Variants in SPIC observed in about 807,000 individuals in gnomAD.
SPIC encodes the protein transcription factor Spi-C.
A neutral mutation model predicts 16.7 loss-of-function variants in SPIC; 9 were observed. The observed-to-expected ratio is 0.54, with a 90% CI of 0.33 to 0.94. SPIC has a LOEUF of 0.94. SPIC is among the 40% of genes least tolerant of loss of function. The pLI is 0.03. For missense variants in SPIC, 241 were observed against 285.8 expected, an observed-to-expected ratio of 0.84 and a Z score of 1.13; for synonymous variants, 97 against 102.9, an observed-to-expected ratio of 0.94 and a Z score of 0.35.
In SPIC at chr12:101,486,653, A is replaced by G; in HGVS notation, c.629A>G (p.Glu210Gly). The change falls in exon 6 of 6, where the codon GAG becomes GGG. Residue 210 changes from glutamate to glycine, a missense_variant. By Grantham distance (98) the Glu-to-Gly change is moderately conservative. Transcript: ENST00000551346. ...RLSPSYFLGK[E>G]IFYSQCVQPD... is the part of the protein sequence containing the mutation. ...TCTCCATCCTATTTCCTGGGGAAAG[A>G]GATCTTCTATTCACAGTGTGTTCAA... 1 of 1,613,992 alleles carries G rather than the reference A, an allele frequency of 6.2e-7. No homozygotes were observed. Among genetic ancestry groups the G allele is most frequent in the Non-Finnish European group, 8.5e-7 (1 of 1,179,872 alleles).
chr12:101,475,635 GT>G (rs1173043988), intron 1 of SPIC, 133 bp downstream of exon 1: 1 of 152,064 alleles, frequency 6.6e-6, no homozygotes, highest in Non-Finnish European at 1.5e-5. Flanking sequence ...AATCAATAAT[GT>G]TTTCAAGCTT....
chr12:101,481,928 C>T (rs1168428594), intron 4 of SPIC, among the ~76,000 whole-genome samples: 3 of 132,260 alleles, frequency 2.3e-5, no homozygotes, highest in Admixed American at 1.5e-4. Flanking sequence ...GCTGGGATTA[C>T]AGGCATGAGC....
In SPIC at chr12:101,486,845, T is replaced by A; in HGVS notation, c.*74T>A. 1.6e-6 allele frequency: 2 copies of A among 1,246,130 alleles called. No homozygotes were observed. Among genetic ancestry groups the A allele is most frequent in the Non-Finnish European group, 2.2e-6 (2 of 924,376 alleles). The allele number at this position is 1,246,130 out of a possible 1,614,324, so 77.2% of individuals were successfully genotyped here. On this transcript the variant is annotated 3_prime_UTR_variant, in exon 6 of 6. Transcript: ENST00000551346. ...TTTTAATGATTTCTCCCTCCCTCTC[T>A]TTTTTTCCTCCTCTGAAGAAATTTA... is the stretch of plus-strand genomic sequence containing the variant.
chr12:101,482,034 G>A (rs1221297572), intron 4 of SPIC, among the ~76,000 whole-genome samples: 1 of 144,174 alleles, frequency 6.9e-6, no homozygotes, highest in Admixed American at 6.8e-5. Flanking sequence ...CCTGAGGTCG[G>A]GAGTTCAAGA....
rs1380534389 is a variant in SPIC, at chr12:101,486,739, A to G, written c.715A>G (p.Asn239Asp). Residue 239 changes from asparagine (N) to aspartate (D), a missense_variant, in exon 6 of 6, where the codon AAT becomes GAT. Coordinates refer to ENST00000551346, the MANE Select transcript of SPIC (RefSeq NM_152323.3). ...WNANYNYTYA[N>D]YHELNHHDC is the part of the protein sequence containing the mutation. ...TGCAAATTATAATTATACATATGCC[A>G]ATTACCATGAGCTAAATCACCATGA... The G allele has an allele frequency of 6.3e-7, 1 of 1,589,316 alleles. No individual in the cohort carries two copies. Among genetic ancestry groups the G allele is most frequent in the Admixed American group, 1.7e-5 (1 of 57,456 alleles).
chr12:101,477,530 C>G, intron 2 of SPIC, 28 bp from the exon 3 acceptor site: 1 of 1,600,752 alleles, frequency 6.2e-7, no homozygotes, highest in Non-Finnish European at 8.6e-7. Context: ...AATTCGAAAA[C>G]TCCAGAATTC....
At chr12:101,477,297 G>C (rs781673967) in intron 2 of SPIC, among the ~76,000 whole-genome samples, 5 of 152,094 alleles carry the variant, frequency 3.3e-5, no homozygotes, top group Non-Finnish European at 5.9e-5. Context: ...GTGCCTCAGG[G>C]TACATTTGGT....
At chr12:101,478,071 G>A (rs1359986499) in intron 3 of SPIC, among the ~76,000 whole-genome samples, 1 of 135,336 alleles carries the variant, frequency 7.4e-6, no homozygotes, top group Non-Finnish European at 1.5e-5. Flanking sequence ...TCACTCTGTC[G>A]CCCAGGCTGG....
At chr12:101,478,376 A>C (rs962513755) in intron 3 of SPIC, among the ~76,000 whole-genome samples, 1 of 150,858 alleles carries the variant, frequency 6.6e-6, no homozygotes, top group Non-Finnish European at 1.5e-5. Flanking sequence ...ATTTTTTTGT[A>C]GAGACAGGGT....
chr12:101,479,703 C>T lies in SPIC; in HGVS notation c.210+9C>T. 3.1e-6 allele frequency: 5 copies of T among 1,588,264 alleles called. No individual in the cohort carries two copies. In the African/African-American group the frequency reaches 4.0e-5, roughly 13 times the overall value. On this transcript the variant is annotated intron_variant, in intron 4 of 5. Coordinates refer to ENST00000551346, the MANE Select transcript of SPIC (RefSeq NM_152323.3). Reference sequence around the variant, plus strand: ...ATTGGAGAACGGTAATTGTAAGTATCAGACCATCCCTTAATAACAGGCAAA... The same window carrying T: ...ATTGGAGAACGGTAATTGTAAGTATTAGACCATCCCTTAATAACAGGCAAA...
At chr12:101,477,313 C>T (rs901041291) in intron 2 of SPIC, among the ~76,000 whole-genome samples, 16 of 151,982 alleles carry the variant, frequency 1.1e-4, no homozygotes, top group Admixed American at 9.2e-4. Context: ...TTGGTGATGT[C>T]GGAAACATTT....
chr12:101,484,653 TAATTATAGGCCAGGCATGGTTAAAAAAA>T (rs907185159), intron 5 of SPIC, among the ~76,000 whole-genome samples: 3 of 151,200 alleles, frequency 2.0e-5, no homozygotes, highest in South Asian at 2.1e-4. Context: ...CTTTAAAAAA[TAATTATAGGCCAGGCATGGTTAAAAAAA>T]AATTATAGGC....
chr12:101,479,760 T>C, intron 4 of SPIC, 66 bp downstream of exon 4: 1 of 1,217,392 alleles, frequency 8.2e-7, no homozygotes, highest in Non-Finnish European at 1.2e-6. Context: ...CCATTTCACA[T>C]ACACTGTCTG....
chr12:101,480,156 T>G (rs1327417478), intron 4 of SPIC, among the ~76,000 whole-genome samples: 2 of 152,222 alleles, frequency 1.3e-5, no homozygotes, highest in Admixed American at 1.3e-4. Context: ...AGTCTGAACT[T>G]GACAGTCAAC....
chr12:101,482,097 C>T (rs1183382617), intron 4 of SPIC, among the ~76,000 whole-genome samples: 1 of 149,292 alleles, frequency 6.7e-6, no homozygotes, highest in Non-Finnish European at 1.5e-5. Flanking sequence ...ACAAAATTAG[C>T]CGGGCATGGT....
chr12:101,479,304 GAAA>G (rs753408588), intron 3 of SPIC, among the ~76,000 whole-genome samples: 3,902 of 24,086 alleles, frequency 0.16, 510 homozygotes, highest in African/African-American at 0.3. Context: ...AAGAAAGAAA[GAAA>G]AAAGAAAGAA....
At chr12:101,480,200 C>A (rs1201444412) in intron 4 of SPIC, among the ~76,000 whole-genome samples, 1 of 152,162 alleles carries the variant, frequency 6.6e-6, no homozygotes, top group African/African-American at 2.4e-5. Flanking sequence ...AAGGAAATAA[C>A]CCTTCATCAT....
At chr12:101,479,519 C>T in intron 3 of SPIC, 63 bp from the exon 4 acceptor site, 5 of 1,231,718 alleles carry the variant, frequency 4.1e-6, no homozygotes, top group Non-Finnish European at 1.2e-6. Context: ...TATATACACA[C>T]ATATTTATAT....
intron 5 of SPIC, 88 bp downstream of exon 5, chr12:101,482,988 A>G (rs1873255655): frequency 8.5e-6 from 10 of 1,178,716 alleles, no homozygotes; most frequent in Non-Finnish European, 1.2e-5. Flanking sequence ...TGAGTTTGGA[A>G]TTGAATTTGC....
Sources: gnomAD v4.1 joint callset for allele counts (sites outside exome capture counted in the v4.1 genomes callset) on GRCh38, gnomAD v4.1.1 for gene constraint, MANE v1.5 for transcripts, NCBI Gene and HGNC (gene_info 2026-07-23, HGNC 2026-07-21) for gene names.